The following CLVS1 variants were observed in gnomAD, a reference collection of about 807,000 sequenced individuals.
The protein encoded by CLVS1 is clavesin-1.
Under a neutral mutation model 33.1 loss-of-function variants are expected in CLVS1, and 10 were observed. That is an observed-to-expected ratio of 0.30 (90% confidence interval 0.19 to 0.51). CLVS1 has a LOEUF of 0.51. Ranked by LOEUF, CLVS1 falls within the 20% of genes least tolerant of loss-of-function variation. The probability of loss-of-function intolerance (pLI) is 0.97; values close to 1 mark genes in which losing one functional copy is unlikely to be tolerated. For missense variants in CLVS1, 343 were observed against 433.4 expected (o/e 0.79, Z 1.85); for synonymous variants, 163 against 166.1 (o/e 0.98, Z 0.14).
the CLVS1 span, among the ~76,000 whole-genome samples, chr8:61,016,754 A>C: frequency 6.6e-6 from 1 of 152,216 alleles, no homozygotes; most frequent in Non-Finnish European, 1.5e-5. Flanking sequence ...CAGTTTTCCG[A>C]GACTCCCCAG....
chr8:61,253,769 C>T (rs1809003749), intron 2 of CLVS1, among the ~76,000 whole-genome samples: 1 of 152,214 alleles, frequency 6.6e-6, no homozygotes, highest in Admixed American at 6.5e-5. Flanking sequence ...TTTTCAGCTC[C>T]ATCAGGTCCT....
chr8:61,232,023 G>GTTTGTTTTTTTTTTTTTTTTTTTTTTTT, intron 2 of CLVS1, among the ~76,000 whole-genome samples: 1 of 62,658 alleles, frequency 1.6e-5, no homozygotes. Flanking sequence ...GAAAGTTGTG[G>GTTTGTTTTTTTTTTTTTTTTTTTTTTTT]TTTTTTTTTT....
chr8:61,190,887 T>C (rs1198447535), intron 2 of CLVS1, among the ~76,000 whole-genome samples: 1 of 152,008 alleles, frequency 6.6e-6, no homozygotes, highest in Non-Finnish European at 1.5e-5. Flanking sequence ...AATTAATAGC[T>C]TACCAATCAA....
chr8:61,302,946 C>A (rs1478012818), intron 2 of CLVS1, among the ~76,000 whole-genome samples: 4 of 152,148 alleles, frequency 2.6e-5, no homozygotes, highest in Non-Finnish European at 4.4e-5. Flanking sequence ...AGAATTCTGT[C>A]ACCAGACAGC....
At chr8:61,049,480 T>A in the CLVS1 span, among the ~76,000 whole-genome samples, 2 of 152,246 alleles carry the variant, frequency 1.3e-5, no homozygotes. Context: ...TATGAAGAAC[T>A]TCATCAATTT....
intron 1 of CLVS1, among the ~76,000 whole-genome samples, chr8:61,120,620 G>C (rs1352025660): frequency 4.8e-5 from 6 of 124,754 alleles, no homozygotes; most frequent in Non-Finnish European, 5.0e-5. Context: ...AGGTCTGTTG[G>C]AATACCCTGC....
intron 1 of CLVS1, among the ~76,000 whole-genome samples, chr8:61,080,257 C>T (rs1804997751): frequency 6.6e-6 from 1 of 152,226 alleles, no homozygotes; most frequent in Non-Finnish European, 1.5e-5. Flanking sequence ...TACAAGTCTA[C>T]TTGGTCACCA....
In CLVS1 at chr8:61,103,772, G is replaced by T. The variant is rs1424895228; in HGVS notation, c.-242-27998G>T. 2.0e-5 allele frequency among the ~76,000 whole-genome samples: 3 copies of T among 152,292 alleles called. No homozygotes were observed. The East Asian group carries it at 5.8e-4, about 29-fold the overall frequency. Reference sequence around the variant, plus strand: ...GCTTGTGCCAATTCATTACTGCAGGGTCGACATGTGCTGAACACTTGAGCT... The same window carrying T: ...GCTTGTGCCAATTCATTACTGCAGGTTCGACATGTGCTGAACACTTGAGCT... On this transcript the variant is annotated intron_variant, in intron 1 of 2. Coordinates refer to the CLVS1 transcript ENST00000522621.
intron 1 of CLVS1, among the ~76,000 whole-genome samples, chr8:61,298,719 CA>C (rs1435558321): frequency 6.6e-6 from 1 of 152,050 alleles, no homozygotes; most frequent in Non-Finnish European, 1.5e-5. Flanking sequence ...CAGGTTAGAC[CA>C]AACAGATGTC....
At chr8:61,422,824 G>A (rs1229185694) in intron 3 of CLVS1, among the ~76,000 whole-genome samples, 2 of 152,198 alleles carry the variant, frequency 1.3e-5, no homozygotes, top group Non-Finnish European at 2.9e-5. Context: ...CTAACCGAAA[G>A]AGTAAAAGCA....
the CLVS1 span, among the ~76,000 whole-genome samples, chr8:61,026,572 G>A: frequency 1.1e-4 from 16 of 152,162 alleles, no homozygotes; most frequent in Middle Eastern, 3.2e-3. Context: ...CGAGGCCCTT[G>A]GAAGATTCCA....
upstream of CLVS1, among the ~76,000 whole-genome samples, chr8:61,056,345 T>C (rs2129276939): frequency 2.0e-5 from 3 of 152,330 alleles, no homozygotes; most frequent in Middle Eastern, 0.01. Flanking sequence ...TTTTATCTCA[T>C]TGATTTCTAG....
At chr8:61,152,678 C>G (rs910698957) in intron 2 of CLVS1, among the ~76,000 whole-genome samples, 1 of 152,114 alleles carries the variant, frequency 6.6e-6, no homozygotes. Context: ...GGCATAGCAC[C>G]TCTCAAAGGC....
chr8:60,975,178 T>TC, the CLVS1 span, among the ~76,000 whole-genome samples: 5 of 152,280 alleles, frequency 3.3e-5, no homozygotes, highest in Non-Finnish European at 5.9e-5. Flanking sequence ...GCACAGGATT[T>TC]AGAACCTGTG....
chr8:61,440,421 T>C (rs551568537), intron 3 of CLVS1, among the ~76,000 whole-genome samples: 1 of 152,354 alleles, frequency 6.6e-6, no homozygotes, highest in Admixed American at 6.5e-5. Flanking sequence ...ATTAGACTTG[T>C]TTATTGCAAA....
At chr8:60,993,913 TG>T in the CLVS1 span, among the ~76,000 whole-genome samples, 1 of 152,210 alleles carries the variant, frequency 6.6e-6, no homozygotes, top group Non-Finnish European at 1.5e-5. Context: ...ATTCTTTCTC[TG>T]GCCCCTTGTG....
chr8:61,285,116 A>G (rs1310277630), upstream of CLVS1, among the ~76,000 whole-genome samples: 1 of 152,206 alleles, frequency 6.6e-6, no homozygotes, highest in African/African-American at 2.4e-5. Context: ...GCCTTACAGA[A>G]TTAAAATAAG....
At chr8:61,262,956 A>G (rs1461991885) in intron 2 of CLVS1, among the ~76,000 whole-genome samples, 1 of 152,172 alleles carries the variant, frequency 6.6e-6, no homozygotes, top group East Asian at 1.9e-4. Flanking sequence ...GTGATTTAAG[A>G]TGATCTTATG....
At chr8:61,095,223 T>A (rs1007788454) in intron 1 of CLVS1, among the ~76,000 whole-genome samples, 6 of 152,340 alleles carry the variant, frequency 3.9e-5, no homozygotes, top group African/African-American at 1.4e-4. Context: ...TTAGTCAATT[T>A]TTCTTCAATT....
Sources: gnomAD v4.1 joint callset for allele counts (sites outside exome capture counted in the v4.1 genomes callset) on GRCh38, gnomAD v4.1.1 for gene constraint, MANE v1.5 for transcripts, NCBI Gene and HGNC (gene_info 2026-07-23, HGNC 2026-07-21) for gene names.